GALNT10: variants seen among roughly 807,000 people sequenced by gnomAD.
The protein encoded by GALNT10 is polypeptide N-acetylgalactosaminyltransferase 10.
In GALNT10, 41 loss-of-function variants were observed where a neutral mutation model predicts 75.0. The ratio of observed to expected loss-of-function variants is 0.55; its 90% CI spans 0.43 to 0.71. GALNT10 has a LOEUF of 0.71. Among genes scored for constraint, GALNT10 ranks in the 30% least tolerant of loss-of-function variants. The probability of loss-of-function intolerance (pLI) is 0.00; values close to 1 mark genes in which losing one functional copy is unlikely to be tolerated. For missense variants in GALNT10, 727 were observed against 818.5 expected (o/e 0.89, Z 1.36); for synonymous variants, 302 against 313.0 (o/e 0.96, Z 0.37).
chr5:154,247,509 C>G (rs1753447518), intron 1 of GALNT10, among the ~76,000 whole-genome samples: 1 of 152,142 alleles, frequency 6.6e-6, no homozygotes, highest in Non-Finnish European at 1.5e-5. Context: ...TGTAGTTGTC[C>G]TTGAAGAGGT....
chr5:154,233,208 C>A (rs547113280), intron 1 of GALNT10, among the ~76,000 whole-genome samples: 1 of 152,244 alleles, frequency 6.6e-6, no homozygotes, highest in South Asian at 2.1e-4. Flanking sequence ...CAGGTTGGTT[C>A]TTTGCATCCT....
intron 1 of GALNT10, among the ~76,000 whole-genome samples, chr5:154,279,296 G>GTTTTTTTT (rs111488218): frequency 1.2e-5 from 1 of 83,846 alleles, no homozygotes; most frequent in Non-Finnish European, 2.8e-5. Flanking sequence ...TGTTGTTGTT[G>GTTTTTTTT]TTGTTTTGTT....
At chr5:154,234,800 G>A (rs1283011251) in intron 1 of GALNT10, among the ~76,000 whole-genome samples, 2 of 152,218 alleles carry the variant, frequency 1.3e-5, no homozygotes, top group Non-Finnish European at 2.9e-5. Context: ...GCAGAATATG[G>A]CACAAGCTGC....
chr5:154,260,039 C>A (rs1753679760), intron 1 of GALNT10, among the ~76,000 whole-genome samples: 2 of 152,134 alleles, frequency 1.3e-5, no homozygotes, highest in Admixed American at 1.3e-4. Context: ...AACAAACAAA[C>A]AAACAAATTG....
chr5:154,252,494 T>C (rs1254630979), intron 1 of GALNT10, among the ~76,000 whole-genome samples: 3 of 152,186 alleles, frequency 2.0e-5, no homozygotes, highest in Non-Finnish European at 4.4e-5. Context: ...CTTGTTGTTC[T>C]AGTTTCTTCT....
intron 4 of GALNT10, among the ~76,000 whole-genome samples, chr5:154,371,824 C>G (rs1755575409): frequency 6.6e-6 from 1 of 152,152 alleles, no homozygotes; most frequent in Non-Finnish European, 1.5e-5. Flanking sequence ...CTGCCCAACA[C>G]TGAGATAACT....
intron 1 of GALNT10, among the ~76,000 whole-genome samples, chr5:154,257,977 G>A (rs1276541792): frequency 2.0e-5 from 3 of 152,158 alleles, no homozygotes; most frequent in African/African-American, 7.2e-5. Flanking sequence ...GCTTCTAGAA[G>A]TTAAGGTATA....
intron 4 of GALNT10, among the ~76,000 whole-genome samples, chr5:154,335,560 C>G (rs556185927): frequency 6.6e-6 from 1 of 152,310 alleles, no homozygotes; most frequent in South Asian, 2.1e-4. Flanking sequence ...GTGGGAAATG[C>G]AGGAAGAGCC....
chr5:154,248,615 T>G (rs2113672806), intron 1 of GALNT10, among the ~76,000 whole-genome samples: 1 of 152,388 alleles, frequency 6.6e-6, no homozygotes, highest in East Asian at 1.9e-4. Context: ...TTTATAGTAT[T>G]CTCTGATGGT....
chr5:154,379,290 T>C (rs1384290741), intron 5 of GALNT10, among the ~76,000 whole-genome samples: 2 of 152,258 alleles, frequency 1.3e-5, no homozygotes, highest in African/African-American at 4.8e-5. Flanking sequence ...GCCTGATATT[T>C]AGTATTGTTT....
rs1756193219 is a variant in GALNT10, at chr5:154,402,669, A to C, written c.1057-1435A>C. ...TAGTCAGGCCATGAGCCAGGGCCGC[A>C]GTCATCTGCAGGCTTGACTGTGACC... On this transcript the variant is annotated intron_variant, in intron 7 of 11. Coordinates refer to ENST00000297107, the MANE Select transcript of GALNT10 (RefSeq NM_198321.4). This position sits in a 1 kb window ranked among gnomAD's most constrained non-coding sequence, Gnocchi z 4.2. 1 of 152,066 alleles carries C rather than the reference A, an allele frequency of 6.6e-6. No homozygotes were observed. The highest frequency in any genetic ancestry group is 2.1e-4 in the South Asian group (1 of 4,816). 9.4% of individuals were successfully genotyped at this position (152,066 alleles called of 1,614,324 possible).
At chr5:154,226,830 C>G (rs772094538) in intron 1 of GALNT10, among the ~76,000 whole-genome samples, 47 of 152,148 alleles carry the variant, frequency 3.1e-4, no homozygotes, top group Admixed American at 2.6e-3. Flanking sequence ...TTTGTAACCT[C>G]TCCCTCCTGT....
intron 7 of GALNT10, among the ~76,000 whole-genome samples, chr5:154,398,919 C>T (rs1756102230): frequency 1.3e-5 from 2 of 152,152 alleles, no homozygotes; most frequent in South Asian, 2.1e-4. Flanking sequence ...AGAGGGCAGG[C>T]GCTCTGTAAT....
At chr5:154,260,752 T>C (rs1753688277) in intron 1 of GALNT10, among the ~76,000 whole-genome samples, 3 of 152,228 alleles carry the variant, frequency 2.0e-5, no homozygotes, top group African/African-American at 7.2e-5. Flanking sequence ...CTGCTCGTGA[T>C]GGTTCTGCAT....
chr5:154,238,203 G>A (rs28667928), intron 1 of GALNT10, among the ~76,000 whole-genome samples: 2,327 of 151,982 alleles, frequency 0.015, 47 homozygotes, highest in African/African-American at 0.053. Flanking sequence ...AAAGGAAGTC[G>A]CCTCACACCA....
chr5:154,198,343 G>T (rs1052132967), intron 1 of GALNT10, among the ~76,000 whole-genome samples: 1 of 152,210 alleles, frequency 6.6e-6, no homozygotes. Context: ...ACAATGCTTG[G>T]TACAGAACAA....
intron 1 of GALNT10, among the ~76,000 whole-genome samples, chr5:154,195,461 C>A (rs1774922797): frequency 6.6e-6 from 1 of 152,160 alleles, no homozygotes; most frequent in Non-Finnish European, 1.5e-5. Context: ...TGTATCATGG[C>A]CTCCCTGCTG....
chr5:154,268,178 A>G (rs1040203737), intron 1 of GALNT10, among the ~76,000 whole-genome samples: 3 of 152,228 alleles, frequency 2.0e-5, no homozygotes, highest in African/African-American at 7.2e-5. Flanking sequence ...AAGCAAAGTT[A>G]GCCAAGCACC....
chr5:154,312,042 G>A (rs1456913671), intron 3 of GALNT10, among the ~76,000 whole-genome samples: 1 of 152,096 alleles, frequency 6.6e-6, no homozygotes, highest in East Asian at 1.9e-4. Context: ...CATTCACCAT[G>A]CAGAAGGTAA....
Sources: gnomAD v4.1 joint callset for allele counts (sites outside exome capture counted in the v4.1 genomes callset) on GRCh38, gnomAD v4.1.1 for gene constraint, Gnocchi (gnomAD v3.1) non-coding constraint, MANE v1.5 for transcripts, NCBI Gene and HGNC (gene_info 2026-07-23, HGNC 2026-07-21) for gene names.